TOPAZ1: variants seen among roughly 807,000 people sequenced by gnomAD.
The protein encoded by TOPAZ1 is protein TOPAZ1.
Under a neutral mutation model 172.2 loss-of-function variants are expected in TOPAZ1, and 66 were observed. The observed-to-expected ratio is 0.38, with a 90% CI of 0.31 to 0.47. TOPAZ1 has a LOEUF of 0.47. TOPAZ1 is among the 20% of genes least tolerant of loss of function. The pLI is 0.99. For synonymous variants in TOPAZ1, 681 were observed against 683.9 expected (o/e 1.00, Z 0.07); for missense variants, 1,822 against 1,972.4 (o/e 0.92, Z 1.44).
At chr3:44,264,659 G>A (rs1003117704) in intron 5 of TOPAZ1, among the ~76,000 whole-genome samples, 2 of 152,180 alleles carry the variant, frequency 1.3e-5, no homozygotes, top group African/African-American at 4.8e-5. Context: ...TCTGTAGCAT[G>A]TGATGCTGTT....
intron 18 of TOPAZ1, among the ~76,000 whole-genome samples, chr3:44,324,158 A>G (rs1056163073): frequency 5.9e-5 from 9 of 152,232 alleles, no homozygotes; most frequent in African/African-American, 2.2e-4. Flanking sequence ...CATTACAGGT[A>G]GTAAGTTTAA....
intron 19 of TOPAZ1, among the ~76,000 whole-genome samples, chr3:44,328,817 A>ATCATTTATTAGGT (rs1167662061): frequency 5.9e-5 from 9 of 152,214 alleles, no homozygotes; most frequent in African/African-American, 2.2e-4. Context: ...GAAATACGTG[A>ATCATTTATTAGGT]TCAGCCAAGA....
chr3:44,312,051 A>G (rs1028749033), intron 16 of TOPAZ1, among the ~76,000 whole-genome samples: 1 of 152,166 alleles, frequency 6.6e-6, no homozygotes, highest in African/African-American at 2.4e-5. Context: ...ATACAAAGGT[A>G]TGCATATTAA....
rs1326504764 is a variant in TOPAZ1, at chr3:44,255,021, A to G, written c.2819A>G (p.Asn940Ser). Residue 940 changes from asparagine (N) to serine (S), a missense_variant, in exon 3 of 20, where the codon AAC becomes AGC. Around this residue, in one of 2 missense-constraint regions of TOPAZ1, gnomAD observed 1,489 missense variants for 1,490.8 expected, o/e 1.00. Coordinates refer to ENST00000309765, the MANE Select transcript of TOPAZ1 (RefSeq NM_001145030.2). ...ATAAAGCCAGACATCTGTGCTTCCA[A>G]CTCAGCAGGTAAAAGTTGACATTTT... The part of the protein sequence containing the change: ...GWIKPDICAS[N>S]SAESEIKRDP... 5 of 1,551,260 alleles carry G rather than the reference A, an allele frequency of 3.2e-6. No homozygotes were observed. The highest frequency in any genetic ancestry group is 1.2e-5 in the South Asian group (1 of 84,002).
At chr3:44,247,628 A>G (rs1285215648) in intron 2 of TOPAZ1, among the ~76,000 whole-genome samples, 2 of 151,996 alleles carry the variant, frequency 1.3e-5, no homozygotes, top group African/African-American at 2.4e-5. Flanking sequence ...CACCAGTCCT[A>G]TTTACTTTCC....
chr3:44,309,966 G>A lies in TOPAZ1; in HGVS notation c.4282G>A (p.Asp1428Asn). 1 of 1,550,474 alleles carries A rather than the reference G, an allele frequency of 6.4e-7. No individual in the cohort carries two copies. Among genetic ancestry groups the A allele is most frequent in the East Asian group, 2.4e-5 (1 of 40,888 alleles). The change falls in exon 16 of 20, where the codon GAT becomes AAT. Residue 1428 changes from aspartate to asparagine, a missense_variant. By Grantham distance (23) the Asp-to-Asn change is conservative (BLOSUM62 1). Around this residue, in one of 2 missense-constraint regions of TOPAZ1, gnomAD observed 333 missense variants for 481.7 expected, o/e 0.69. Transcript: ENST00000309765. ...AEIFLKSGSL[D>N]GAIWVMRESE... ...AATTTTTCTAAAAAGTGGAAGCCTA[G>A]ATGGTGCCATTTGGGTAATGAGGGG... is the stretch of plus-strand genomic sequence containing the variant.
chr3:44,284,392 T>G (rs932545922), intron 9 of TOPAZ1, among the ~76,000 whole-genome samples: 4 of 152,234 alleles, frequency 2.6e-5, no homozygotes, highest in Admixed American at 2.0e-4. Flanking sequence ...GTGTCTGGAT[T>G]ATTTCACTTA....
intron 15 of TOPAZ1, among the ~76,000 whole-genome samples, chr3:44,306,698 C>T (rs1358392480): frequency 1.3e-5 from 2 of 151,986 alleles, no homozygotes; most frequent in Non-Finnish European, 2.9e-5. Flanking sequence ...TGGACAGATT[C>T]CCATCTTTAA....
intron 12 of TOPAZ1, among the ~76,000 whole-genome samples, chr3:44,298,545 G>A (rs931309354): frequency 3.3e-5 from 5 of 151,960 alleles, no homozygotes; most frequent in African/African-American, 1.2e-4. Context: ...AATTAAGAAA[G>A]TATGTTATTG....
downstream of TOPAZ1, among the ~76,000 whole-genome samples, chr3:44,336,494 G>GA (rs1222828617): frequency 6.6e-6 from 1 of 152,232 alleles, no homozygotes; most frequent in African/African-American, 2.4e-5. Context: ...ATCATCCACA[G>GA]AGATGGAAAA....
At chr3:44,280,571 C>G (rs1326157856) in intron 8 of TOPAZ1, among the ~76,000 whole-genome samples, 2 of 152,142 alleles carry the variant, frequency 1.3e-5, no homozygotes, top group African/African-American at 4.8e-5. Flanking sequence ...TGGTCTCGAA[C>G]TCCTAGACTC....
At chr3:44,336,398 G>T (rs1407676358), downstream of TOPAZ1, among the ~76,000 whole-genome samples, 1 of 152,224 alleles carries the variant, frequency 6.6e-6, no homozygotes, top group Admixed American at 6.5e-5. Context: ...TTGGGCCATA[G>T]TAAATGTTTA....
chr3:44,247,941 G>A lies in TOPAZ1; in HGVS notation c.2765+2670G>A, dbSNP rs188007574. 7.8e-3 allele frequency among the ~76,000 whole-genome samples: 1,192 copies of A among 152,290 alleles called. 4 individuals are homozygous for A. The highest frequency in any genetic ancestry group is 0.013 in the Non-Finnish European group (879 of 68,022). On this transcript the variant is annotated intron_variant, in intron 2 of 19. Transcript: ENST00000309765. ...GCTGGGATTACAGGCATGAGCCACC[G>A]TGCCTGGCCTAATCTTGACTATTTT...
chr3:44,276,345 T>C (rs1392468551), intron 8 of TOPAZ1, among the ~76,000 whole-genome samples: 1 of 152,138 alleles, frequency 6.6e-6, no homozygotes, highest in Non-Finnish European at 1.5e-5. Flanking sequence ...TGAGTTGATT[T>C]TGTGTATGGT....
At chr3:44,329,188 A>G (rs998956982) in intron 19 of TOPAZ1, among the ~76,000 whole-genome samples, 1 of 152,252 alleles carries the variant, frequency 6.6e-6, no homozygotes, top group Non-Finnish European at 1.5e-5. Flanking sequence ...GGCTTAAAAC[A>G]GAAAATAGTA....
intron 16 of TOPAZ1, among the ~76,000 whole-genome samples, chr3:44,313,390 T>C (rs1049858397): frequency 6.6e-6 from 1 of 151,764 alleles, no homozygotes; most frequent in Non-Finnish European, 1.5e-5. Context: ...GGCGGGCGGA[T>C]CACGAGGTCA....
At chr3:44,304,227 G>A (rs1700309813) in intron 13 of TOPAZ1, 146 bp downstream of exon 13, 2 of 491,844 alleles carry the variant, frequency 4.1e-6, no homozygotes, top group African/African-American at 4.0e-5. Flanking sequence ...AGGAAGTTTT[G>A]TTTTTCTTAC....
chr3:44,244,285 T>C lies in TOPAZ1; in HGVS notation c.1779T>C (p.Asp593=). 6.4e-7 allele frequency: 1 copy of C among 1,550,412 alleles called. No individual in the cohort carries two copies. The highest frequency in any genetic ancestry group is 2.4e-5 in the East Asian group (1 of 40,892). The change falls in exon 2 of 20, where the codon GAT becomes GAC. Residue 593 remains aspartate (D), a synonymous_variant. Coordinates refer to ENST00000309765, the MANE Select transcript of TOPAZ1 (RefSeq NM_001145030.2). ...TAAAGGAACCTATAATCAAGGATGA[T>C]AAAAAGATAAAATCAGAGGAACTGA... ...MVIKEPIIKD[D]KKIKSEELSR...
intron 12 of TOPAZ1, among the ~76,000 whole-genome samples, chr3:44,301,384 GT>G (rs547392076): frequency 4.1e-4 from 63 of 152,246 alleles, no homozygotes; most frequent in Non-Finnish European, 7.4e-4. Flanking sequence ...TCAAAAAATT[GT>G]GAAGATAAGT....
Sources: allele counts gnomAD v4.1 joint callset (sites outside exome capture counted in the v4.1 genomes callset), GRCh38; gene constraint gnomAD v4.1.1; regional missense constraint gnomAD v4.1.1; transcripts MANE v1.5; gene names NCBI Gene and HGNC (gene_info 2026-07-23, HGNC 2026-07-21).